Variants in KCNK3 observed in about 807,000 individuals in gnomAD.
KCNK3 encodes potassium two pore domain channel subfamily K member 3, also known as potassium channel subfamily K member 3.
Under a neutral mutation model 27.3 loss-of-function variants are expected in KCNK3, and 9 were observed. The observed-to-expected ratio is 0.33, with a 90% confidence interval of 0.20 to 0.57. The LOEUF is 0.57. Ranked by LOEUF, KCNK3 falls within the 20% of genes least tolerant of loss-of-function variation. KCNK3 has a pLI of 0.87. For missense variants in KCNK3, 391 were observed against 577.7 expected (o/e 0.68, Z 3.31); for synonymous variants, 278 against 273.8 (o/e 1.02, Z -0.15).
chr2:26,728,164 C>A lies in KCNK3; in HGVS notation c.781C>A (p.Arg261Ser), dbSNP rs1481650624. The change falls in exon 2 of 2, where the codon CGC becomes AGC. Residue 261 changes from arginine to serine, a missense_variant. By Grantham distance (110) the Arg-to-Ser change is moderately radical. Around this residue, in one of 4 missense-constraint regions of KCNK3, gnomAD observed 38 missense variants for 80.5 expected, o/e 0.47. Coordinates refer to ENST00000302909, the MANE Select transcript of KCNK3 (RefSeq NM_002246.3). Reference sequence around the variant, plus strand: ...GGACGAGAAGCGCGACGCCGAGCACCGCGCGCTGCTCACGCGCAACGGGCA... The same window carrying A: ...GGACGAGAAGCGCGACGCCGAGCACAGCGCGCTGCTCACGCGCAACGGGCA... ...AEDEKRDAEH[R>S]ALLTRNGQAG... 1 of 1,576,678 alleles carries A rather than the reference C, an allele frequency of 6.3e-7. No individual in the cohort carries two copies. Among genetic ancestry groups the A allele is most frequent in the Non-Finnish European group, 8.6e-7 (1 of 1,161,328 alleles).
intron 1 of KCNK3, among the ~76,000 whole-genome samples, chr2:26,699,201 AAGAG>A (rs1298810805): frequency 7.2e-5 from 6 of 83,618 alleles, no homozygotes; most frequent in African/African-American, 1.6e-4. Context: ...AAAGGAAGGA[AAGAG>A]AGAGAAAGAA....
At chr2:26,714,072 G>C (rs909168198) in intron 1 of KCNK3, among the ~76,000 whole-genome samples, 6 of 149,048 alleles carry the variant, frequency 4.0e-5, no homozygotes, top group Admixed American at 2.7e-4. Context: ...CAAAACCTCT[G>C]TCTTGAAAAA....
intron 1 of KCNK3, among the ~76,000 whole-genome samples, chr2:26,718,729 C>T (rs750391199): frequency 1.3e-5 from 2 of 152,124 alleles, no homozygotes; most frequent in Non-Finnish European, 2.9e-5. Flanking sequence ...CCACCTCAGA[C>T]TCTTGAGTAG....
intron 1 of KCNK3, among the ~76,000 whole-genome samples, chr2:26,705,661 T>C (rs372480288): frequency 5.2e-4 from 79 of 152,164 alleles, no homozygotes; most frequent in African/African-American, 1.8e-3. Context: ...TGTTGGCCTA[T>C]GAGGGGCAAA....
intron 1 of KCNK3, among the ~76,000 whole-genome samples, chr2:26,716,300 C>T (rs115661137): frequency 1.2e-4 from 18 of 152,276 alleles, no homozygotes; most frequent in African/African-American, 4.3e-4. Flanking sequence ...GCAATGCAAG[C>T]TCAAACAATA....
At chr2:26,712,375 G>C (rs1389930725) in intron 1 of KCNK3, among the ~76,000 whole-genome samples, 1 of 152,214 alleles carries the variant, frequency 6.6e-6, no homozygotes, top group African/African-American at 2.4e-5. Flanking sequence ...GCAGGGTTGA[G>C]TGAGTATGTT....
At chr2:26,707,965 C>G (rs560263980) in intron 1 of KCNK3, among the ~76,000 whole-genome samples, 1 of 152,204 alleles carries the variant, frequency 6.6e-6, no homozygotes, top group African/African-American at 2.4e-5. Context: ...CTCGGCCTCT[C>G]TGAGCATCTT....
At chr2:26,717,724 G>A (rs1300207209) in intron 1 of KCNK3, among the ~76,000 whole-genome samples, 1 of 152,212 alleles carries the variant, frequency 6.6e-6, no homozygotes, top group Non-Finnish European at 1.5e-5. Context: ...AGGCCCCACC[G>A]GCCCCAGGTC....
chr2:26,708,323 A>T (rs1670400345), intron 1 of KCNK3, among the ~76,000 whole-genome samples: 1 of 152,156 alleles, frequency 6.6e-6, no homozygotes, highest in Non-Finnish European at 1.5e-5. Context: ...AGTGAGGAGA[A>T]GAGGCAGAAA....
At chr2:26,707,489 G>A (rs1670390271) in intron 1 of KCNK3, among the ~76,000 whole-genome samples, 1 of 152,242 alleles carries the variant, frequency 6.6e-6, no homozygotes, top group African/African-American at 2.4e-5. Flanking sequence ...TCATGCACCA[G>A]CCTTCAACAT....
rs545816314 is a variant in KCNK3, at chr2:26,713,302, G to A, written c.284-14365G>A. 8.5e-5 allele frequency among the ~76,000 whole-genome samples: 13 copies of A among 152,348 alleles called. No homozygotes were observed. In the South Asian group the frequency reaches 2.3e-3, roughly 27 times the overall value. Reference sequence around the variant, plus strand: ...CAGCAGTGGAAGTGCTCAGAGGCGAGGCATGGGACAGATGGGACCAGAAAT... The same window carrying A: ...CAGCAGTGGAAGTGCTCAGAGGCGAAGCATGGGACAGATGGGACCAGAAAT... On this transcript the variant is annotated intron_variant, in intron 1 of 1. Coordinates refer to ENST00000302909, the MANE Select transcript of KCNK3 (RefSeq NM_002246.3).
rs1174018935 is a variant in KCNK3, at chr2:26,728,415, C to T, written c.1032C>T (p.His344=). ...CCGACACGTGCGTGGAGCAGAGCCA[C>T]TCGTCGCCGGGAGGGGGCGGCCGCT... ...STSDTCVEQS[H]SSPGGGGRYS... The change falls in exon 2 of 2, where the codon CAC becomes CAT. Residue 344 remains histidine (H), a synonymous_variant. Coordinates refer to ENST00000302909, the MANE Select transcript of KCNK3 (RefSeq NM_002246.3). 1 of 1,593,998 alleles carries T rather than the reference C, an allele frequency of 6.3e-7. No homozygotes were observed. The highest frequency in any genetic ancestry group is 8.6e-7 in the Non-Finnish European group (1 of 1,166,716).
At chr2:26,712,435 T>G (rs139825364) in intron 1 of KCNK3, among the ~76,000 whole-genome samples, 239 of 152,256 alleles carry the variant, frequency 1.6e-3, no homozygotes, top group African/African-American at 5.4e-3. Context: ...CTGTGTCCCC[T>G]TGGCTGGAGA....
intron 1 of KCNK3, among the ~76,000 whole-genome samples, chr2:26,715,926 C>T (rs1320472407): frequency 6.6e-6 from 1 of 152,232 alleles, no homozygotes. Context: ...GAAACTATTG[C>T]TGTCTCCACT....
At chr2:26,698,778 G>C (rs577991395) in intron 1 of KCNK3, among the ~76,000 whole-genome samples, 4 of 152,002 alleles carry the variant, frequency 2.6e-5, no homozygotes, top group Non-Finnish European at 5.9e-5. Context: ...AACTGTCCAG[G>C]CTCCTGCTCC....
Position 26,693,611 on chromosome 2 carries a change from A to C in KCNK3, c.283+453A>C, listed in dbSNP as rs1418743169. ...TGCTGGGCTCTGGGGAGGCATGAGGATGTCGGAATGCGGCACTTCGGGGCA... is the reference window on the plus strand; with the variant it reads ...TGCTGGGCTCTGGGGAGGCATGAGGCTGTCGGAATGCGGCACTTCGGGGCA... On this transcript the variant is annotated intron_variant, in intron 1 of 1. Transcript: ENST00000302909. This position sits in a 1 kb window ranked among gnomAD's most constrained non-coding sequence, Gnocchi z 5.5. 2.0e-5 allele frequency among the ~76,000 whole-genome samples: 3 copies of C among 152,110 alleles called. No individual in the cohort carries two copies. The highest frequency in any genetic ancestry group is 6.5e-5 in the Admixed American group (1 of 15,284).
At chr2:26,712,657 G>C (rs1025797489) in intron 1 of KCNK3, among the ~76,000 whole-genome samples, 1 of 125,890 alleles carries the variant, frequency 7.9e-6, no homozygotes, top group African/African-American at 3.0e-5. Context: ...GGGAGAGGCT[G>C]GGTGTTGGAG....
Position 26,728,072 on chromosome 2 carries a change from C to T in KCNK3, c.689C>T (p.Thr230Met). The part of the protein sequence containing the change: ...YVAFSFVYIL[T>M]GLTVIGAFLN... ...GCCTTCAGCTTCGTCTACATCCTTA[C>T]GGGCCTCACGGTCATCGGCGCCTTC... The change falls in exon 2 of 2, where the codon ACG becomes ATG. Residue 230 changes from threonine (T) to methionine (M), a missense_variant. By Grantham distance (81) the Thr-to-Met change is moderately conservative. Coordinates refer to ENST00000302909, the MANE Select transcript of KCNK3 (RefSeq NM_002246.3). 6.2e-7 allele frequency: 1 copy of T among 1,614,044 alleles called. No individual in the cohort carries two copies. The highest frequency in any genetic ancestry group is 8.5e-7 in the Non-Finnish European group (1 of 1,179,944).
rs1663563811 is a variant in KCNK3 at position 26,732,750 on chromosome 2, C to T, written c.*4182C>T. 6.6e-6 allele frequency: 1 copy of T among 152,316 alleles called. No homozygotes were observed. The highest frequency in any genetic ancestry group is 1.5e-5 in the Non-Finnish European group (1 of 68,072). 9.4% of individuals were successfully genotyped at this position (152,316 alleles called of 1,614,324 possible). On this transcript the variant is annotated 3_prime_UTR_variant, in exon 2 of 2. Transcript: ENST00000302909. Reference sequence around the variant, plus strand: ...TTAAAACAGCTAAATGCAACAATAGCAGAAATTAGCTTGTTTTTGAGGTTG... The same window carrying T: ...TTAAAACAGCTAAATGCAACAATAGTAGAAATTAGCTTGTTTTTGAGGTTG...
Sources: gnomAD v4.1 joint callset for allele counts (sites outside exome capture counted in the v4.1 genomes callset) on GRCh38, gnomAD v4.1.1 for gene constraint, gnomAD v4.1.1 regional missense constraint, Gnocchi (gnomAD v3.1) non-coding constraint, MANE v1.5 for transcripts, NCBI Gene and HGNC (gene_info 2026-07-23, HGNC 2026-07-21) for gene names.